Variants in PRELID2 observed in about 807,000 individuals in gnomAD.
The protein encoded by PRELID2 is PRELI domain containing 2.
A neutral mutation model predicts 28.4 loss-of-function variants in PRELID2; 25 were observed. That is an observed-to-expected ratio of 0.88 (90% CI 0.64 to 1.23). The LOEUF (loss-of-function observed/expected upper bound fraction) is 1.23, where lower values mean the gene tolerates loss of function less well. Ranked by LOEUF, PRELID2 falls within the 50% of genes most tolerant of loss-of-function variation. The pLI is 0.00. For synonymous variants in PRELID2, 76 were observed against 71.6 expected, an observed-to-expected ratio of 1.06 and a Z score of -0.31; for missense variants, 201 against 214.4, an observed-to-expected ratio of 0.94 and a Z score of 0.39.
At chr5:145,256,353 C>T in the PRELID2 span, among the ~76,000 whole-genome samples, 3 of 151,928 alleles carry the variant, frequency 2.0e-5, no homozygotes, top group Non-Finnish European at 2.9e-5. Context: ...TTTTTGTCAT[C>T]TGAGTCACTT....
chr5:145,648,506 T>C (rs1209407499), intron 1 of PRELID2, among the ~76,000 whole-genome samples: 1 of 151,620 alleles, frequency 6.6e-6, no homozygotes, highest in African/African-American at 2.4e-5. Flanking sequence ...TTTTCATTTT[T>C]TGTTAAAAAG....
the PRELID2 span, chr5:145,229,452 A>G: frequency 3.5e-6 from 3 of 846,614 alleles, no homozygotes; most frequent in South Asian, 2.6e-5. Context: ...AAGATCCAGG[A>G]CCCAGCCAAA....
the PRELID2 span, among the ~76,000 whole-genome samples, chr5:145,387,185 A>C: frequency 6.6e-6 from 1 of 152,196 alleles, no homozygotes; most frequent in Non-Finnish European, 1.5e-5. Context: ...ACCTGAACAA[A>C]TATAACCTGA....
the PRELID2 span, among the ~76,000 whole-genome samples, chr5:145,434,340 A>G: frequency 1.3e-5 from 2 of 152,326 alleles, no homozygotes; most frequent in Admixed American, 1.3e-4. Flanking sequence ...ATTGAACAGA[A>G]CACTTGGGAC....
intron 1 of PRELID2, among the ~76,000 whole-genome samples, chr5:145,750,033 T>C (rs1272858037): frequency 6.6e-6 from 1 of 151,906 alleles, no homozygotes; most frequent in Non-Finnish European, 1.5e-5. Flanking sequence ...CCATGGCACA[T>C]GTATACATAT....
chr5:145,406,752 T>C, the PRELID2 span, among the ~76,000 whole-genome samples: 1 of 152,188 alleles, frequency 6.6e-6, no homozygotes, highest in Non-Finnish European at 1.5e-5. Context: ...TGTGAGTTCA[T>C]ACAGTGTGAG....
chr5:145,497,222 G>A (rs950956791), intron 1 of PRELID2, among the ~76,000 whole-genome samples: 2 of 152,100 alleles, frequency 1.3e-5, no homozygotes, highest in African/African-American at 4.8e-5. Context: ...TTTCCCAGGG[G>A]ATTCCGTTCC....
chr5:145,569,036 G>A (rs1752993577), intron 1 of PRELID2, among the ~76,000 whole-genome samples: 1 of 152,150 alleles, frequency 6.6e-6, no homozygotes, highest in Admixed American at 6.6e-5. Context: ...AAGAAACACT[G>A]TAAAGATTTT....
the PRELID2 span, among the ~76,000 whole-genome samples, chr5:145,305,533 T>C: frequency 1.3e-5 from 2 of 152,224 alleles, no homozygotes; most frequent in East Asian, 3.9e-4. Flanking sequence ...ATGCAACAAC[T>C]GGTCACTTGA....
the PRELID2 span, among the ~76,000 whole-genome samples, chr5:145,412,658 T>C: frequency 1.3e-5 from 2 of 152,208 alleles, no homozygotes; most frequent in African/African-American, 2.4e-5. Flanking sequence ...TACCCAGTTC[T>C]AAAACTGTTT....
chr5:145,252,639 T>C, the PRELID2 span, among the ~76,000 whole-genome samples: 2 of 152,098 alleles, frequency 1.3e-5, no homozygotes, highest in African/African-American at 4.8e-5. Context: ...CCAGGAAACA[T>C]ATGTGCATTT....
chr5:145,382,634 G>T, the PRELID2 span, among the ~76,000 whole-genome samples: 1 of 151,906 alleles, frequency 6.6e-6, no homozygotes, highest in Non-Finnish European at 1.5e-5. Context: ...TAAAATGAAA[G>T]ATAAGACAAA....
At chr5:145,616,934 C>T (rs1284708354) in intron 1 of PRELID2, among the ~76,000 whole-genome samples, 5 of 152,066 alleles carry the variant, frequency 3.3e-5, no homozygotes, top group African/African-American at 9.7e-5. Flanking sequence ...GGCCACCCCC[C>T]GAAGCGGCCA....
At chr5:145,350,984 T>G in the PRELID2 span, among the ~76,000 whole-genome samples, 2 of 152,156 alleles carry the variant, frequency 1.3e-5, no homozygotes, top group Admixed American at 6.5e-5. Context: ...GCACTTGATA[T>G]AAGCCAGTCA....
At chr5:145,443,370 T>A in the PRELID2 span, among the ~76,000 whole-genome samples, 2 of 152,002 alleles carry the variant, frequency 1.3e-5, no homozygotes, top group African/African-American at 4.8e-5. Context: ...CCTCCCTCCA[T>A]ATATAGAAGA....
the PRELID2 span, among the ~76,000 whole-genome samples, chr5:145,294,379 A>C: frequency 6.6e-6 from 1 of 152,004 alleles, no homozygotes; most frequent in Non-Finnish European, 1.5e-5. Context: ...ATCAGCTAGC[A>C]TGTGTTACAT....
chr5:145,587,560 G>A (rs533179940), intron 1 of PRELID2, among the ~76,000 whole-genome samples: 4 of 152,272 alleles, frequency 2.6e-5, no homozygotes, highest in Admixed American at 6.5e-5. Flanking sequence ...AGAGAACCTA[G>A]TCCTAATGAT....
chr5:145,742,132 A>AT (rs1756829220), intron 1 of PRELID2, among the ~76,000 whole-genome samples: 3 of 5,416 alleles, frequency 5.5e-4, no homozygotes, highest in Admixed American at 2.8e-3. Context: ...TATTAATTAT[A>AT]AATAAATAAA....
At chr5:145,722,648 C>T (rs934551558) in intron 1 of PRELID2, among the ~76,000 whole-genome samples, 1 of 152,020 alleles carries the variant, frequency 6.6e-6, no homozygotes, top group Non-Finnish European at 1.5e-5. Flanking sequence ...ACAGGCACAG[C>T]ACTACAATGC....
Sources: allele counts gnomAD v4.1 joint callset (sites outside exome capture counted in the v4.1 genomes callset), GRCh38; gene constraint gnomAD v4.1.1; transcripts MANE v1.5; gene names NCBI Gene and HGNC (gene_info 2026-07-23, HGNC 2026-07-21).